The following GATB variants were observed in gnomAD, a reference collection of about 807,000 sequenced individuals.
The protein encoded by GATB is glutamyl-tRNA(Gln) amidotransferase subunit B, mitochondrial.
A neutral mutation model predicts 62.3 loss-of-function variants in GATB; 39 were observed. That is an observed-to-expected ratio of 0.63 (90% CI 0.48 to 0.82). GATB has a LOEUF of 0.82. GATB is among the 40% of genes least tolerant of loss of function. The probability of loss-of-function intolerance (pLI) is 0.00; values close to 1 mark genes in which losing one functional copy is unlikely to be tolerated. For missense variants in GATB, 670 were observed against 684.0 expected, an observed-to-expected ratio of 0.98 and a Z score of 0.23; for synonymous variants, 276 against 258.9, an observed-to-expected ratio of 1.07 and a Z score of -0.63.
At chr4:151,673,745 T>C (rs1737935231) in intron 11 of GATB, 1 of 152,248 alleles carries the variant, frequency 6.6e-6, no homozygotes, top group African/African-American at 2.4e-5. Flanking sequence ...TCTTGTCTTC[T>C]AGCGAAAGCC....
chr4:151,675,012 G>A (rs1224080208), intron 11 of GATB: 1 of 152,244 alleles, frequency 6.6e-6, no homozygotes, highest in Non-Finnish European at 1.5e-5. Flanking sequence ...CAGACCCTGA[G>A]CAGGCTGGCC....
intron 2 of GATB, among the ~76,000 whole-genome samples, chr4:151,749,098 G>A (rs1032149289): frequency 6.6e-6 from 1 of 152,228 alleles, no homozygotes; most frequent in Non-Finnish European, 1.5e-5. Context: ...GAAGACAAGT[G>A]TGGCGATTCC....
chr4:151,722,929 T>G (rs891728294), intron 2 of GATB: 1 of 152,336 alleles, frequency 6.6e-6, no homozygotes, highest in African/African-American at 2.4e-5. Context: ...CCTGCAAACT[T>G]GTTTCTGGAA....
At chr4:151,682,185 C>A (rs1738153514) in intron 10 of GATB, among the ~76,000 whole-genome samples, 1 of 152,136 alleles carries the variant, frequency 6.6e-6, no homozygotes, top group Non-Finnish European at 1.5e-5. Context: ...GGGATTTCTC[C>A]ATCACTTTTC....
intron 2 of GATB, chr4:151,719,749 C>T (rs1738990817): frequency 9.9e-6 from 4 of 404,280 alleles, no homozygotes; most frequent in Non-Finnish European, 1.8e-5. Context: ...AGCAGTGGGT[C>T]CCACCGGGCA....
intron 8 of GATB, 114 bp from the exon 9 acceptor site, chr4:151,701,632 A>G (rs902882029): frequency 4.1e-6 from 3 of 735,980 alleles, no homozygotes; most frequent in Non-Finnish European, 5.9e-6. Context: ...TTACTTGCAA[A>G]TATTTTCAAA....
At chr4:151,696,059 G>A (rs536827492) in intron 9 of GATB, among the ~76,000 whole-genome samples, 1 of 151,962 alleles carries the variant, frequency 6.6e-6, no homozygotes, top group South Asian at 2.1e-4. Flanking sequence ...GGGATTACAG[G>A]TGTGAGTCAC....
At chr4:151,702,680 AT>A (rs1738629590) in intron 8 of GATB, among the ~76,000 whole-genome samples, 1 of 152,154 alleles carries the variant, frequency 6.6e-6, no homozygotes, top group African/African-American at 2.4e-5. Context: ...AAGGGAATTA[AT>A]TTTTTTAAGT....
At chr4:151,697,929 T>G (rs1738504440) in intron 9 of GATB, among the ~76,000 whole-genome samples, 1 of 106,546 alleles carries the variant, frequency 9.4e-6, no homozygotes, top group African/African-American at 5.0e-5. Flanking sequence ...AAAATCGATT[T>G]CATATATATG....
chr4:151,723,452 A>C (rs1739070442), intron 2 of GATB: 1 of 152,226 alleles, frequency 6.6e-6, no homozygotes, highest in Admixed American at 6.5e-5. Flanking sequence ...AGCTATCAAG[A>C]CTACTAACAG....
In GATB at chr4:151,671,056, G is replaced by T; in HGVS notation, c.*118C>A. 2 of 1,147,506 alleles carry T rather than the reference G, an allele frequency of 1.7e-6. No homozygotes were observed. The highest frequency in any genetic ancestry group is 2.5e-6 in the Non-Finnish European group (2 of 785,494). 71.1% of individuals were successfully genotyped at this position (1,147,506 alleles called of 1,614,324 possible). A position where few individuals can be genotyped will look rare whatever the true frequency, so the allele number is the denominator to read the frequency against. On this transcript the variant is annotated 3_prime_UTR_variant, in exon 13 of 13. Transcript: ENST00000263985. ...GACATTAATGCCATAGCTGTGGCTTGGGACAGGGATTGAGAGGCAGCTCTC... is the reference window on the plus strand; with the variant it reads ...GACATTAATGCCATAGCTGTGGCTTTGGACAGGGATTGAGAGGCAGCTCTC...
At chr4:151,749,335 A>G (rs1739666321) in intron 2 of GATB, among the ~76,000 whole-genome samples, 2 of 152,198 alleles carry the variant, frequency 1.3e-5, no homozygotes, top group African/African-American at 4.8e-5. Flanking sequence ...CAGCCATAAA[A>G]AATGATAAGT....
At position 151,758,766 on chromosome 4, in the gene GATB, T is replaced by A. The variant is rs776839953; in HGVS notation, c.327+6A>T. On this transcript the variant is annotated splice_donor_region_variant and intron_variant, in intron 2 of 12. Transcript: ENST00000263985. The stretch of plus-strand genomic sequence containing the variant: ...TAATGAAAATAGGATTAAATAAGAA[T>A]CTTACCGGCAAAGTTCCAGGTAGAG... The A allele has an allele frequency of 2.6e-6, 4 of 1,561,376 alleles. No homozygotes were observed. In the South Asian group the frequency reaches 5.0e-5, roughly 20 times the overall value.
At chr4:151,671,437 CAGAAAAAGGG>C in intron 12 of GATB, 135 bp from the exon 13 acceptor site, 1 of 825,136 alleles carries the variant, frequency 1.2e-6, no homozygotes. Flanking sequence ...AAATGTAGAA[CAGAAAAAGGG>C]GAGGGGCCTC....
rs558644771 is a variant in GATB, at chr4:151,691,495, C to T, written c.1198-2732G>A. Reference sequence around the variant, plus strand: ...GCTGGCTCCGCCTCTCAGACATTAACAGGAACCCTTGATTACTAATGATTT... The same window carrying T: ...GCTGGCTCCGCCTCTCAGACATTAATAGGAACCCTTGATTACTAATGATTT... On this transcript the variant is annotated intron_variant, in intron 9 of 12. Coordinates refer to ENST00000263985, the MANE Select transcript of GATB (RefSeq NM_004564.3). 8.5e-5 allele frequency among the ~76,000 whole-genome samples: 13 copies of T among 152,342 alleles called. No homozygotes were observed. In the East Asian group the frequency reaches 2.3e-3, roughly 27 times the overall value.
chr4:151,750,760 G>C (rs1739705827), intron 2 of GATB, among the ~76,000 whole-genome samples: 4 of 150,282 alleles, frequency 2.7e-5, no homozygotes, highest in Admixed American at 2.0e-4. Flanking sequence ...CCCACAAGCA[G>C]CGGACTACAG....
chr4:151,671,474 C>G (rs1171201153), intron 12 of GATB, among the ~76,000 whole-genome samples, 172 bp from the exon 13 acceptor site: 1 of 152,138 alleles, frequency 6.6e-6, no homozygotes, highest in Non-Finnish European at 1.5e-5. Flanking sequence ...GAGTAGGTTT[C>G]TAGGCTCCTG....
At chr4:151,677,812 T>C (rs1190712335) in intron 11 of GATB, 4 of 152,130 alleles carry the variant, frequency 2.6e-5, no homozygotes, top group South Asian at 4.1e-4. Flanking sequence ...ACAAAGTCAA[T>C]AAATACATAA....
intron 5 of GATB, among the ~76,000 whole-genome samples, chr4:151,712,066 C>T (rs894658372): frequency 6.6e-6 from 1 of 152,138 alleles, no homozygotes; most frequent in Non-Finnish European, 1.5e-5. Flanking sequence ...ACCTCGCCTG[C>T]TTTTAAAAAT....
Sources: gnomAD v4.1 joint callset for allele counts (sites outside exome capture counted in the v4.1 genomes callset) on GRCh38, gnomAD v4.1.1 for gene constraint, MANE v1.5 for transcripts, NCBI Gene and HGNC (gene_info 2026-07-23, HGNC 2026-07-21) for gene names.